FOXN3: variants seen among roughly 807,000 people sequenced by gnomAD.
FOXN3 encodes forkhead box protein N3.
A neutral mutation model predicts 38.4 loss-of-function variants in FOXN3; 7 were observed. The ratio of observed to expected loss-of-function variants is 0.18; its 90% CI spans 0.10 to 0.34. FOXN3 has a LOEUF of 0.34. FOXN3 is among the 10% of genes least tolerant of loss of function. The pLI is 1.00. For synonymous variants in FOXN3, 230 were observed against 242.2 expected (o/e 0.95, Z 0.47); for missense variants, 456 against 613.4 (o/e 0.74, Z 2.71).
intron 4 of FOXN3, among the ~76,000 whole-genome samples, chr14:89,267,132 G>A (rs1268999836): frequency 6.6e-6 from 1 of 152,188 alleles, no homozygotes. Context: ...TCAAGCAGTT[G>A]AGGGGCAATT....
At chr14:89,508,173 C>G (rs1412088589) in intron 1 of FOXN3, among the ~76,000 whole-genome samples, 1 of 152,168 alleles carries the variant, frequency 6.6e-6, no homozygotes, top group Non-Finnish European at 1.5e-5. Flanking sequence ...AGGCAACCAG[C>G]CTTCCGCATC....
chr14:89,348,813 C>G lies in FOXN3; in HGVS notation c.680+1859G>C, dbSNP rs75722663. On this transcript the variant is annotated intron_variant, in intron 3 of 5. Coordinates refer to ENST00000557258, the MANE Select transcript of FOXN3 (RefSeq NM_005197.4). ...ATCAAATGAAGTCATTAAGCTAAGG[C>G]CAGCTCAGAATGCCTCTCGCCTGAA... is the stretch of plus-strand genomic sequence containing the variant. Among the ~76,000 whole-genome samples the G allele has an allele frequency of 2.4e-3, 372 of 152,266 alleles. 1 individual carries two copies. Among genetic ancestry groups the G allele is most frequent in the African/African-American group, 8.7e-3 (360 of 41,540 alleles).
intron 3 of FOXN3, chr14:89,290,958 C>T (rs757993112): frequency 1.4e-5 from 5 of 348,624 alleles, no homozygotes; most frequent in East Asian, 7.7e-5. Context: ...GAACAGAAAG[C>T]GCTGATGTGG....
intron 1 of FOXN3, among the ~76,000 whole-genome samples, chr14:89,499,450 ATG>A (rs1324080828): frequency 2.0e-5 from 3 of 150,692 alleles, no homozygotes; most frequent in African/African-American, 4.9e-5. Flanking sequence ...TTACATGGGA[ATG>A]TCTTTTGATT....
rs374221685 is a variant in FOXN3, at chr14:89,519,096, G to A, written c.-15+99932C>T. 2.4e-3 allele frequency among the ~76,000 whole-genome samples: 368 copies of A among 152,238 alleles called. 3 individuals are homozygous for A. Among genetic ancestry groups the A allele is most frequent in the African/African-American group, 8.4e-3 (351 of 41,546 alleles). ...TGAACACGGTGCGCCTGCTCAAAGG[G>A]AAACCAGGCCAGGCTGGAGGAAATG... On this transcript the variant is annotated intron_variant, in intron 1 of 6. Coordinates refer to the FOXN3 transcript ENST00000345097.
At position 89,264,326 on chromosome 14, in the gene FOXN3, C is replaced by T. The variant is rs551425473; in HGVS notation, c.745+16624G>A. Among the ~76,000 whole-genome samples, 8 of 152,090 alleles carry T rather than the reference C, an allele frequency of 5.3e-5. No individual in the cohort carries two copies. The East Asian group carries it at 5.8e-4, about 11-fold the overall frequency. On this transcript the variant is annotated intron_variant, in intron 4 of 5. Transcript: ENST00000557258. ...AAGACACATCTTACATGGCAGCAGA[C>T]GAGAGAGAAATCAAGAGAGCCAAGC...
intron 4 of FOXN3, among the ~76,000 whole-genome samples, chr14:89,227,823 G>A (rs979809800): frequency 2.0e-5 from 3 of 152,158 alleles, no homozygotes; most frequent in African/African-American, 7.2e-5. Flanking sequence ...AGCTAAGAAC[G>A]GCCCCCAGCT....
chr14:89,536,033 C>T (rs1220904849), intron 1 of FOXN3, among the ~76,000 whole-genome samples: 2 of 152,198 alleles, frequency 1.3e-5, no homozygotes, highest in Non-Finnish European at 2.9e-5. Flanking sequence ...TTGTAAATAA[C>T]GGCACATGTG....
At chr14:89,542,992 A>G (rs1308699220) in intron 1 of FOXN3, among the ~76,000 whole-genome samples, 1 of 152,230 alleles carries the variant, frequency 6.6e-6, no homozygotes, top group Non-Finnish European at 1.5e-5. Context: ...CCCCTGGTAG[A>G]AGGAAACCAT....
At chr14:89,256,778 A>C (rs1885636236) in intron 4 of FOXN3, among the ~76,000 whole-genome samples, 1 of 152,148 alleles carries the variant, frequency 6.6e-6, no homozygotes. Flanking sequence ...CTTCTTGGTG[A>C]AATTTAGCTT....
At chr14:89,394,713 C>G (rs974098413) in intron 2 of FOXN3, among the ~76,000 whole-genome samples, 1 of 152,224 alleles carries the variant, frequency 6.6e-6, no homozygotes, top group Admixed American at 6.5e-5. Flanking sequence ...CATGAACACA[C>G]CTGGGATTCC....
At chr14:89,357,557 G>A (rs962034681) in intron 2 of FOXN3, among the ~76,000 whole-genome samples, 10 of 151,142 alleles carry the variant, frequency 6.6e-5, no homozygotes, top group Non-Finnish European at 1.3e-4. Flanking sequence ...GCGGTGAGCC[G>A]AGATCGTGCC....
rs370080196 is a variant in FOXN3, at chr14:89,209,421, C to T, written c.746-28615G>A. ...GAGATATTGGAGCACCAGCTAATTC[C>T]TTCCCGGCTGAAAGGAGGAACAGAA... On this transcript the variant is annotated intron_variant, in intron 4 of 5. Coordinates refer to ENST00000557258, the MANE Select transcript of FOXN3 (RefSeq NM_005197.4). Among the ~76,000 whole-genome samples, 9 of 152,228 alleles carry T rather than the reference C, an allele frequency of 5.9e-5. No individual in the cohort carries two copies. The East Asian group carries it at 1.2e-3, about 20-fold the overall frequency.
At chr14:89,331,485 G>C (rs968392011) in intron 3 of FOXN3, among the ~76,000 whole-genome samples, 2 of 109,090 alleles carry the variant, frequency 1.8e-5, no homozygotes, top group Admixed American at 1.2e-4. Context: ...CCTGAGTGTT[G>C]CTTTTTAAAC....
intron 2 of FOXN3, among the ~76,000 whole-genome samples, chr14:89,391,512 C>T (rs541368217): frequency 6.6e-6 from 1 of 152,324 alleles, no homozygotes; most frequent in East Asian, 1.9e-4. Flanking sequence ...GAAGAACACG[C>T]TCCCCCAAAC....
At chr14:89,195,145 ACTCCAACCTACAGATTCTGGGCAC>A (rs1339204998) in intron 4 of FOXN3, among the ~76,000 whole-genome samples, 1 of 152,178 alleles carries the variant, frequency 6.6e-6, no homozygotes, top group Non-Finnish European at 1.5e-5. Flanking sequence ...TCAGCACGGT[ACTCCAACCTACAGATTCTGGGCAC>A]CTAAGGGCAC....
intron 3 of FOXN3, among the ~76,000 whole-genome samples, chr14:89,332,178 T>G (rs1416224482): frequency 6.6e-6 from 1 of 152,222 alleles, no homozygotes; most frequent in Non-Finnish European, 1.5e-5. Context: ...ATTAAGACAC[T>G]AATTCTCAAC....
intron 1 of FOXN3, among the ~76,000 whole-genome samples, chr14:89,452,592 C>T (rs549334452): frequency 1.4e-4 from 21 of 152,142 alleles, no homozygotes; most frequent in Non-Finnish European, 2.6e-4. Context: ...AAATAGGCCA[C>T]CTTCAAGAAG....
chr14:89,488,284 T>C (rs243226), intron 1 of FOXN3, among the ~76,000 whole-genome samples: 77,528 of 151,536 alleles, frequency 0.51, 22,857 homozygotes, highest in Non-Finnish European at 0.66. Flanking sequence ...GGTTTCGCCA[T>C]GTTGGTCAGG....
Sources: allele counts gnomAD v4.1 joint callset (sites outside exome capture counted in the v4.1 genomes callset), GRCh38; gene constraint gnomAD v4.1.1; transcripts MANE v1.5; gene names NCBI Gene and HGNC (gene_info 2026-07-23, HGNC 2026-07-21).